The following DMRT1 variants were observed in gnomAD, a reference collection of about 807,000 sequenced individuals.
DMRT1 encodes doublesex and mab-3 related transcription factor 1, also known as doublesex- and mab-3-related transcription factor 1.
DMRT1 carries 7 observed loss-of-function variants against 32.3 expected under a neutral mutation model. That is an observed-to-expected ratio of 0.22 (90% CI 0.12 to 0.41). The LOEUF (loss-of-function observed/expected upper bound fraction) is 0.41, where lower values mean the gene tolerates loss of function less well. Ranked by LOEUF, DMRT1 falls within the 10% of genes least tolerant of loss-of-function variation. The pLI is 1.00. For synonymous variants in DMRT1, 278 were observed against 206.1 expected, an observed-to-expected ratio of 1.35 and a Z score of -2.99; for missense variants, 625 against 500.5, an observed-to-expected ratio of 1.25 and a Z score of -2.37.
In DMRT1 at chr9:841,833, G is replaced by C; in HGVS notation, c.-6G>C. The C allele has an allele frequency of 6.2e-7, 1 of 1,608,768 alleles. No homozygotes were observed. Among genetic ancestry groups the C allele is most frequent in the Non-Finnish European group, 8.5e-7 (1 of 1,178,004 alleles). ...CCAGAGTGCTCGCACTTCTCCTAGG[G>C]GCACCATGCCCAACGACGAGGCATT... On this transcript the variant is annotated 5_prime_UTR_variant, in exon 1 of 5. Transcript: ENST00000382276.
chr9:920,887 G>A (rs4742561), intron 4 of DMRT1, among the ~76,000 whole-genome samples: 1 of 152,046 alleles, frequency 6.6e-6, no homozygotes, highest in African/African-American at 2.4e-5. Context: ...TTGTCTAAGA[G>A]GGGAGATAAG....
At chr9:944,646 C>T (rs557872608) in intron 4 of DMRT1, among the ~76,000 whole-genome samples, 1 of 152,098 alleles carries the variant, frequency 6.6e-6, no homozygotes, top group African/African-American at 2.4e-5. Flanking sequence ...GAACAGAATC[C>T]GTTGCCCTCA....
At chr9:923,811 G>T (rs1455423702) in intron 4 of DMRT1, among the ~76,000 whole-genome samples, 1 of 152,204 alleles carries the variant, frequency 6.6e-6, no homozygotes, top group African/African-American at 2.4e-5. Flanking sequence ...GCAACATTTA[G>T]AAAATGCTGA....
intron 2 of DMRT1, among the ~76,000 whole-genome samples, chr9:889,822 G>A (rs1034085010): frequency 2.6e-5 from 4 of 152,124 alleles, no homozygotes; most frequent in African/African-American, 4.8e-5. Flanking sequence ...TAAGTGGGAG[G>A]TATTCAGTGT....
chr9:855,613 A>G (rs1589452768), intron 2 of DMRT1, among the ~76,000 whole-genome samples: 1 of 152,228 alleles, frequency 6.6e-6, no homozygotes, highest in Admixed American at 6.5e-5. Flanking sequence ...TATTTTAAAC[A>G]TATATCTGAA....
intron 2 of DMRT1, among the ~76,000 whole-genome samples, chr9:848,699 G>A (rs1246084323): frequency 6.7e-6 from 1 of 149,454 alleles, no homozygotes; most frequent in Non-Finnish European, 1.5e-5. Context: ...GACTACAGGC[G>A]CCCGCCACCA....
chr9:858,870 A>ATAT (rs1351379516), intron 2 of DMRT1, among the ~76,000 whole-genome samples: 31 of 48,062 alleles, frequency 6.4e-4, no homozygotes, highest in Non-Finnish European at 1.1e-3. Context: ...AAAAAAAAAA[A>ATAT]ATATATATAT....
At chr9:875,944 T>C (rs894191982) in intron 2 of DMRT1, among the ~76,000 whole-genome samples, 1 of 151,946 alleles carries the variant, frequency 6.6e-6, no homozygotes, top group African/African-American at 2.4e-5. Context: ...CAAAAAGAGG[T>C]GCCACATGTG....
At chr9:896,791 C>T (rs1037210062) in intron 3 of DMRT1, among the ~76,000 whole-genome samples, 2 of 151,366 alleles carry the variant, frequency 1.3e-5, no homozygotes, top group South Asian at 2.1e-4. Flanking sequence ...CCAGCCTGGG[C>T]GACAGAGTGA....
intron 2 of DMRT1, among the ~76,000 whole-genome samples, chr9:862,463 C>A (rs901224109): frequency 6.9e-6 from 1 of 144,486 alleles, no homozygotes; most frequent in Admixed American, 7.0e-5. Flanking sequence ...ACAGTCCAGC[C>A]TCGGCATCAG....
At chr9:892,534 C>T (rs933747346) in intron 2 of DMRT1, among the ~76,000 whole-genome samples, 1 of 152,142 alleles carries the variant, frequency 6.6e-6, no homozygotes, top group African/African-American at 2.4e-5. Context: ...CCCCACATGT[C>T]CCTGGAACAG....
intron 2 of DMRT1, among the ~76,000 whole-genome samples, chr9:867,627 T>G (rs1363245081): frequency 6.6e-6 from 1 of 152,148 alleles, no homozygotes; most frequent in Non-Finnish European, 1.5e-5. Flanking sequence ...AGATGGCATG[T>G]GTATTAAGTG....
At chr9:964,744 C>A (rs989127678) in intron 4 of DMRT1, among the ~76,000 whole-genome samples, 5 of 152,152 alleles carry the variant, frequency 3.3e-5, no homozygotes, top group African/African-American at 1.2e-4. Context: ...CTCAATTATT[C>A]TTCCTTTCTT....
intron 2 of DMRT1, among the ~76,000 whole-genome samples, chr9:873,635 G>A (rs548926333): frequency 2.6e-5 from 4 of 152,094 alleles, no homozygotes; most frequent in Non-Finnish European, 5.9e-5. Flanking sequence ...GACATTTAAT[G>A]TTCTTAGGTT....
chr9:955,426 C>T (rs1323809010), intron 4 of DMRT1, among the ~76,000 whole-genome samples: 1 of 152,176 alleles, frequency 6.6e-6, no homozygotes, highest in Non-Finnish European at 1.5e-5. Context: ...AAAAACTTGG[C>T]TGGTGTGGTG....
chr9:886,656 T>C (rs1026160676), intron 2 of DMRT1, among the ~76,000 whole-genome samples: 4 of 152,164 alleles, frequency 2.6e-5, no homozygotes, highest in Non-Finnish European at 4.4e-5. Flanking sequence ...AAACCACTTT[T>C]TGAAAACTTT....
rs1335795097 is a variant in DMRT1, at chr9:862,363, T to G, written c.538+15220T>G. On this transcript the variant is annotated intron_variant, in intron 2 of 4. Coordinates refer to ENST00000382276, the MANE Select transcript of DMRT1 (RefSeq NM_021951.3). The stretch of plus-strand genomic sequence containing the variant: ...GAAAAATAGGAAAACCAGTCAGGTG[T>G]GGCGGCGCGCGCCTGCAGTCCCAGG... Among the ~76,000 whole-genome samples, 3 of 151,674 alleles carry G rather than the reference T, an allele frequency of 2.0e-5. No homozygotes were observed. The East Asian group carries it at 5.8e-4, about 30-fold the overall frequency.
chr9:959,108 T>C (rs757089699), intron 4 of DMRT1, among the ~76,000 whole-genome samples: 62 of 152,252 alleles, frequency 4.1e-4, no homozygotes, highest in Non-Finnish European at 4.1e-4. Context: ...CTTTTGTATC[T>C]GAGAAAACAG....
At chr9:952,204 G>A (rs957038284) in intron 4 of DMRT1, among the ~76,000 whole-genome samples, 2 of 152,148 alleles carry the variant, frequency 1.3e-5, no homozygotes, top group African/African-American at 4.8e-5. Context: ...GAACAGTGCT[G>A]GGCACAGAGC....
Sources: allele counts gnomAD v4.1 joint callset (sites outside exome capture counted in the v4.1 genomes callset), GRCh38; gene constraint gnomAD v4.1.1; transcripts MANE v1.5; gene names NCBI Gene and HGNC (gene_info 2026-07-23, HGNC 2026-07-21).